The following TAF4B variants were observed in gnomAD, a reference collection of about 807,000 sequenced individuals.
TAF4B encodes TATA-box binding protein associated factor 4b, also known as transcription initiation factor TFIID subunit 4B.
TAF4B carries 38 observed loss-of-function variants against 86.4 expected under a neutral mutation model. The observed-to-expected ratio is 0.44, with a 90% confidence interval of 0.34 to 0.58. The LOEUF is 0.58. Among genes scored for constraint, TAF4B ranks in the 20% least tolerant of loss-of-function variants. The pLI, the probability that TAF4B is intolerant of heterozygous loss-of-function variation, is 0.02. For synonymous variants in TAF4B, 388 were observed against 391.2 expected, an observed-to-expected ratio of 0.99 and a Z score of 0.10; for missense variants, 988 against 1,027.6, an observed-to-expected ratio of 0.96 and a Z score of 0.53.
chr18:26,326,611 C>T (rs1297199618), intron 11 of TAF4B, among the ~76,000 whole-genome samples: 3 of 152,052 alleles, frequency 2.0e-5, no homozygotes, highest in African/African-American at 7.2e-5. Context: ...TTTCAGAAAA[C>T]TAAGATTTAA....
chr18:26,274,388 T>C (rs1159573161), intron 3 of TAF4B, among the ~76,000 whole-genome samples: 2 of 152,188 alleles, frequency 1.3e-5, no homozygotes, highest in Non-Finnish European at 2.9e-5. Context: ...TTGCAATCCC[T>C]ATTTTTGCAG....
At chr18:26,329,912 C>A (rs1373869517) in intron 12 of TAF4B, among the ~76,000 whole-genome samples, 1 of 152,146 alleles carries the variant, frequency 6.6e-6, no homozygotes, top group African/African-American at 2.4e-5. Context: ...TTAAGCAATC[C>A]TCCCACCTCA....
chr18:26,375,213 T>C (rs1373627519), intron 14 of TAF4B, among the ~76,000 whole-genome samples: 1 of 152,178 alleles, frequency 6.6e-6, no homozygotes, highest in African/African-American at 2.4e-5. Flanking sequence ...AGCATAATGT[T>C]TTCATGGTCT....
chr18:26,377,065 T>C (rs1373409612), intron 14 of TAF4B, among the ~76,000 whole-genome samples: 1 of 152,114 alleles, frequency 6.6e-6, no homozygotes, highest in African/African-American at 2.4e-5. Flanking sequence ...TATATACTGT[T>C]AGTTTCTGCT....
intron 14 of TAF4B, among the ~76,000 whole-genome samples, chr18:26,388,090 T>TGAGAGTAGCTG (rs1422622346): frequency 3.3e-5 from 5 of 152,366 alleles, no homozygotes; most frequent in Admixed American, 3.3e-4. Flanking sequence ...TCCTTATGTA[T>TGAGAGTAGCTG]GTCTTTCGGG....
At chr18:26,280,307 T>A (rs773803321) in intron 5 of TAF4B, among the ~76,000 whole-genome samples, 8 of 151,942 alleles carry the variant, frequency 5.3e-5, no homozygotes, top group Non-Finnish European at 1.0e-4. Context: ...AAACAAAAAT[T>A]GACAAGTGGA....
intron 9 of TAF4B, among the ~76,000 whole-genome samples, chr18:26,306,381 C>T (rs1032178687): frequency 3.9e-5 from 6 of 152,280 alleles, no homozygotes; most frequent in African/African-American, 1.4e-4. Flanking sequence ...GTAGCTTCCA[C>T]AGTGATATCT....
intron 9 of TAF4B, among the ~76,000 whole-genome samples, chr18:26,310,233 T>C (rs912131511): frequency 6.6e-6 from 1 of 152,234 alleles, no homozygotes; most frequent in African/African-American, 2.4e-5. Flanking sequence ...AGACCATTTG[T>C]ATCATGATCA....
chr18:26,272,558 C>T (rs780744133), intron 3 of TAF4B, among the ~76,000 whole-genome samples: 1 of 151,960 alleles, frequency 6.6e-6, no homozygotes, highest in Admixed American at 6.6e-5. Flanking sequence ...AACGATAGGA[C>T]GTTTTTCCTA....
At chr18:26,318,339 C>G (rs371421871) in intron 10 of TAF4B, among the ~76,000 whole-genome samples, 6 of 150,992 alleles carry the variant, frequency 4.0e-5, no homozygotes, top group South Asian at 2.1e-4. Context: ...AGAATTCTTA[C>G]TTCTGAATTA....
intron 9 of TAF4B, among the ~76,000 whole-genome samples, chr18:26,298,917 A>C (rs1242814385): frequency 7.1e-5 from 9 of 126,072 alleles, no homozygotes; most frequent in African/African-American, 2.8e-4. Flanking sequence ...GCTAGAGTGC[A>C]ATGGTGCAAT....
intron 5 of TAF4B, among the ~76,000 whole-genome samples, chr18:26,281,629 C>A (rs1043704361): frequency 2.0e-5 from 3 of 152,138 alleles, no homozygotes; most frequent in Non-Finnish European, 4.4e-5. Flanking sequence ...TGAGTAACTT[C>A]CTGTTCCCCA....
chr18:26,253,146 T>G (rs1443469882), intron 1 of TAF4B, among the ~76,000 whole-genome samples: 1 of 152,184 alleles, frequency 6.6e-6, no homozygotes, highest in Non-Finnish European at 1.5e-5. Flanking sequence ...ATCTTAGATA[T>G]CCTTGTCTTA....
chr18:26,316,892 A>C (rs2056917460), intron 10 of TAF4B, among the ~76,000 whole-genome samples: 1 of 152,172 alleles, frequency 6.6e-6, no homozygotes, highest in African/African-American at 2.4e-5. Context: ...TTTGGGAACA[A>C]GTCTCAGCAC....
intron 11 of TAF4B, among the ~76,000 whole-genome samples, chr18:26,322,772 T>G (rs2056973257): frequency 6.6e-6 from 1 of 152,088 alleles, no homozygotes; most frequent in Non-Finnish European, 1.5e-5. Context: ...ATTTTCCTTC[T>G]AAGCTTCAGG....
intron 14 of TAF4B, among the ~76,000 whole-genome samples, chr18:26,379,791 T>C (rs1598842087): frequency 6.6e-6 from 1 of 152,132 alleles, no homozygotes; most frequent in East Asian, 1.9e-4. Flanking sequence ...ATTTACATCT[T>C]AGCAATACTG....
intron 9 of TAF4B, among the ~76,000 whole-genome samples, chr18:26,300,137 A>G (rs960448418): frequency 6.6e-6 from 1 of 151,908 alleles, no homozygotes; most frequent in East Asian, 1.9e-4. Context: ...GCGCATCACC[A>G]TGCCCGGCTA....
chr18:26,245,495 T>G (rs1390424420), intron 1 of TAF4B, among the ~76,000 whole-genome samples: 1 of 152,158 alleles, frequency 6.6e-6, no homozygotes, highest in Non-Finnish European at 1.5e-5. Context: ...TATTGGCCCC[T>G]CCCATGTTCC....
intron 1 of TAF4B, among the ~76,000 whole-genome samples, chr18:26,254,143 G>T (rs970546384): frequency 2.6e-4 from 40 of 151,798 alleles, no homozygotes; most frequent in Non-Finnish European, 3.7e-4. Context: ...GGCCAGACTG[G>T]TCTCGAGCTC....
Sources: allele counts gnomAD v4.1 joint callset (sites outside exome capture counted in the v4.1 genomes callset), GRCh38; gene constraint gnomAD v4.1.1; transcripts MANE v1.5; gene names NCBI Gene and HGNC (gene_info 2026-07-23, HGNC 2026-07-21).